Variants in KDM5A observed in about 807,000 individuals in gnomAD.
The protein encoded by KDM5A is lysine demethylase 5A.
Under a neutral mutation model 193.5 loss-of-function variants are expected in KDM5A, and 42 were observed. The observed-to-expected ratio is 0.22, with a 90% CI of 0.17 to 0.28. KDM5A has a LOEUF of 0.28. Ranked by LOEUF, KDM5A falls within the 10% of genes least tolerant of loss-of-function variation. The probability of loss-of-function intolerance (pLI) is 1.00; values close to 1 mark genes in which losing one functional copy is unlikely to be tolerated. For missense variants in KDM5A, 1,692 were observed against 2,055.1 expected, an observed-to-expected ratio of 0.82 and a Z score of 3.42; for synonymous variants, 796 against 718.1, an observed-to-expected ratio of 1.11 and a Z score of -1.73.
chr12:311,215 A>G, intron 20 of KDM5A, 151 bp from the exon 21 acceptor site: 2 of 703,058 alleles, frequency 2.8e-6, no homozygotes, highest in South Asian at 3.5e-5. Context: ...TATAACTTCC[A>G]ATGTCCTATT....
intron 24 of KDM5A, among the ~76,000 whole-genome samples, chr12:300,553 T>C (rs528949641): frequency 1.3e-5 from 2 of 152,212 alleles, no homozygotes; most frequent in African/African-American, 4.8e-5. Flanking sequence ...GGGAAATTTA[T>C]AGCACTAAAT....
chr12:344,417 A>G (rs958045466), intron 10 of KDM5A, among the ~76,000 whole-genome samples: 2 of 152,156 alleles, frequency 1.3e-5, no homozygotes, highest in African/African-American at 4.8e-5. Context: ...TACAGAGAAC[A>G]CCACAAAAAT....
At chr12:356,410 A>G in intron 6 of KDM5A, 22 bp downstream of exon 6, 1 of 1,404,798 alleles carries the variant, frequency 7.1e-7, no homozygotes, top group African/African-American at 1.4e-5. Context: ...ATCTCTTTTC[A>G]TGATCAAACA....
At chr12:290,800 A>G (rs1451777164) in intron 27 of KDM5A, among the ~76,000 whole-genome samples, 4 of 152,340 alleles carry the variant, frequency 2.6e-5, no homozygotes, top group Non-Finnish European at 5.9e-5. Flanking sequence ...TTAAATGCTG[A>G]GCAGAAGGGA....
chr12:310,709 G>T (rs1374927461), intron 21 of KDM5A, among the ~76,000 whole-genome samples, 176 bp downstream of exon 21: 3 of 152,176 alleles, frequency 2.0e-5, no homozygotes, highest in African/African-American at 7.2e-5. Context: ...TCTAGGGACA[G>T]CACAAGATTA....
At chr12:287,929 T>C (rs1279285451) in intron 27 of KDM5A, among the ~76,000 whole-genome samples, 1 of 152,188 alleles carries the variant, frequency 6.6e-6, no homozygotes, top group Non-Finnish European at 1.5e-5. Flanking sequence ...TACTTTCCCT[T>C]TTGTGATTTT....
In KDM5A at chr12:285,452, T is replaced by G. The variant is rs774965747; in HGVS notation, c.*4A>C. The stretch of plus-strand genomic sequence containing the variant: ...CCCCATGTCCCAAACTAACCAAGCA[T>G]CTGCTAACTGGTCTCTTTAAGATCC... On this transcript the variant is annotated 3_prime_UTR_variant, in exon 28 of 28. Transcript: ENST00000399788. 6.2e-7 allele frequency: 1 copy of G among 1,613,310 alleles called. No homozygotes were observed. Among genetic ancestry groups the G allele is most frequent in the African/African-American group, 1.3e-5 (1 of 74,910 alleles).
rs1346903103 is a variant in KDM5A, at chr12:354,096, A to T, written c.1009T>A (p.Cys337Ser). The change falls in exon 8 of 28, where the codon TGT (cysteine) becomes AGT (serine). Residue 337 changes from cysteine (C) to serine (S), a missense_variant. By Grantham distance (112) the Cys-to-Ser change is moderately radical. Around this residue, in one of 11 missense-constraint regions of KDM5A, gnomAD observed 62 missense variants for 107.1 expected, o/e 0.58. Transcript: ENST00000399788. Reference protein sequence around the residue: ...LPDVPKGDWRCPKCVAEECSK... With the variant: ...LPDVPKGDWRSPKCVAEECSK... ...TGTACCTCGGCGACACATTTAGGACACCTCCAGTCTCCTTTGGGCACATCA... is the reference window on the plus strand; with the variant it reads ...TGTACCTCGGCGACACATTTAGGACTCCTCCAGTCTCCTTTGGGCACATCA... 1 of 1,613,916 alleles carries T rather than the reference A, an allele frequency of 6.2e-7. No homozygotes were observed. The highest frequency in any genetic ancestry group is 8.5e-7 in the Non-Finnish European group (1 of 1,179,852).
chr12:315,681 T>C (rs757360684), intron 19 of KDM5A, among the ~76,000 whole-genome samples: 10 of 151,706 alleles, frequency 6.6e-5, no homozygotes, highest in Non-Finnish European at 1.3e-4. Flanking sequence ...GGAAATATAA[T>C]CAGCATGACT....
chr12:379,991 G>A (rs185028493), intron 3 of KDM5A, among the ~76,000 whole-genome samples: 30 of 152,240 alleles, frequency 2.0e-4, no homozygotes, highest in African/African-American at 5.5e-4. Flanking sequence ...AAGTGCAGCC[G>A]GGCACGGTGG....
chr12:347,592 C>G (rs1197571526), intron 10 of KDM5A, among the ~76,000 whole-genome samples: 5 of 152,074 alleles, frequency 3.3e-5, no homozygotes. Context: ...AGAACAGAGC[C>G]CTCAGAAATA....
intron 10 of KDM5A, among the ~76,000 whole-genome samples, chr12:347,904 T>C (rs992686160): frequency 5.3e-5 from 8 of 152,110 alleles, no homozygotes; most frequent in African/African-American, 1.7e-4. Context: ...AAAGCCAAAA[T>C]AGACAAATGG....
intron 13 of KDM5A, among the ~76,000 whole-genome samples, chr12:330,579 C>T (rs1943852687): frequency 6.6e-6 from 1 of 152,182 alleles, no homozygotes; most frequent in Non-Finnish European, 1.5e-5. Flanking sequence ...CTACCCTACA[C>T]CTAGCCAATT....
In KDM5A at chr12:388,865, A is replaced by T. The variant is rs890010398; in HGVS notation, c.165+62T>A. On this transcript the variant is annotated intron_variant, in intron 1 of 27. Coordinates refer to ENST00000399788, the MANE Select transcript of KDM5A (RefSeq NM_001042603.3). ...GACAAGGATCAGAAAAGTAAAGCTAAACCCAGTGTACGGACTCCCCCATTC... is the reference window on the plus strand; with the variant it reads ...GACAAGGATCAGAAAAGTAAAGCTATACCCAGTGTACGGACTCCCCCATTC... 2.4e-5 allele frequency: 37 copies of T among 1,551,156 alleles called. 2 individuals carry two copies. In the Admixed American group the frequency reaches 2.5e-4, roughly 10 times the overall value.
At chr12:286,097 T>C (rs1943216910) in intron 27 of KDM5A, 2 of 454,266 alleles carry the variant, frequency 4.4e-6, no homozygotes, top group South Asian at 1.7e-5. Flanking sequence ...TTCAAAGAGA[T>C]AAGCCAAAGT....
At chr12:310,497 G>A (rs1019213126) in intron 21 of KDM5A, among the ~76,000 whole-genome samples, 2 of 152,108 alleles carry the variant, frequency 1.3e-5, no homozygotes, top group East Asian at 3.9e-4. Context: ...AGCCAGGCAT[G>A]GTGTAGCATG....
chr12:346,702 G>T (rs1469974843), intron 10 of KDM5A, among the ~76,000 whole-genome samples: 1 of 152,112 alleles, frequency 6.6e-6, no homozygotes, highest in African/African-American at 2.4e-5. Flanking sequence ...AAAGGCCTTT[G>T]ACAAAATTCA....
At chr12:365,294 T>C (rs1001527794) in intron 4 of KDM5A, among the ~76,000 whole-genome samples, 1 of 152,120 alleles carries the variant, frequency 6.6e-6, no homozygotes, top group African/African-American at 2.4e-5. Context: ...CCTCAAACGA[T>C]CCACCCACCT....
At chr12:374,465 G>C (rs1050547250) in intron 3 of KDM5A, among the ~76,000 whole-genome samples, 5 of 152,136 alleles carry the variant, frequency 3.3e-5, no homozygotes, top group Non-Finnish European at 7.4e-5. Context: ...GCCTGTGTGT[G>C]TCTCTGCATG....
Sources: allele counts gnomAD v4.1 joint callset (sites outside exome capture counted in the v4.1 genomes callset), GRCh38; gene constraint gnomAD v4.1.1; regional missense constraint gnomAD v4.1.1; transcripts MANE v1.5; gene names NCBI Gene and HGNC (gene_info 2026-07-23, HGNC 2026-07-21).